SORCS3: variants seen among roughly 807,000 people sequenced by gnomAD.
The protein encoded by SORCS3 is VPS10 domain-containing receptor SorCS3.
SORCS3 carries 57 observed loss-of-function variants against 146.3 expected under a neutral mutation model. That is an observed-to-expected ratio of 0.39 (90% CI 0.31 to 0.49). SORCS3 has a LOEUF of 0.49. SORCS3 is among the 20% of genes least tolerant of loss of function. The pLI, the probability that SORCS3 is intolerant of heterozygous loss-of-function variation, is 0.92. For missense variants in SORCS3, 1,341 were observed against 1,575.5 expected (o/e 0.85, Z 2.52); for synonymous variants, 653 against 618.5 (o/e 1.06, Z -0.83).
rs1325768038 is a variant in SORCS3 at position 104,899,655 on chromosome 10, G to A, written c.696-16178G>A. 3.9e-5 allele frequency among the ~76,000 whole-genome samples: 6 copies of A among 152,286 alleles called. No individual in the cohort carries two copies. The East Asian group carries it at 1.2e-3, about 29-fold the overall frequency. On this transcript the variant is annotated intron_variant, in intron 2 of 26. Coordinates refer to ENST00000369701, the MANE Select transcript of SORCS3 (RefSeq NM_014978.3). ...TCCACAAAGTAGGTCAGGAAATGGAGGGGAAGTGAATTACTCTCCCAGACA... is the reference window on the plus strand; with the variant it reads ...TCCACAAAGTAGGTCAGGAAATGGAAGGGAAGTGAATTACTCTCCCAGACA...
chr10:105,112,358 G>C (rs564918420), intron 7 of SORCS3, among the ~76,000 whole-genome samples: 1 of 152,078 alleles, frequency 6.6e-6, no homozygotes, highest in Admixed American at 6.6e-5. Flanking sequence ...TGATTAGGAC[G>C]GGCTTTATGG....
chr10:105,227,790 A>G (rs1187789703), intron 20 of SORCS3, among the ~76,000 whole-genome samples: 1 of 152,090 alleles, frequency 6.6e-6, no homozygotes, highest in Non-Finnish European at 1.5e-5. Flanking sequence ...TTATCATTAT[A>G]TAATGATCTT....
intron 1 of SORCS3, among the ~76,000 whole-genome samples, chr10:104,662,157 T>G (rs1395124482): frequency 5.3e-5 from 8 of 152,220 alleles, no homozygotes; most frequent in African/African-American, 1.7e-4. Flanking sequence ...GTCTACTGTA[T>G]TATTGATGTT....
chr10:104,985,479 A>T (rs1158515466), intron 4 of SORCS3, among the ~76,000 whole-genome samples: 6 of 152,128 alleles, frequency 3.9e-5, no homozygotes, highest in Admixed American at 2.0e-4. Context: ...GTTGGAATCA[A>T]CTTCTTTCAA....
intron 2 of SORCS3, among the ~76,000 whole-genome samples, chr10:104,910,123 G>T (rs1466586929): frequency 6.6e-6 from 1 of 152,318 alleles, no homozygotes; most frequent in Non-Finnish European, 1.5e-5. Context: ...CGAAGTTGAA[G>T]AGGGAGGATG....
chr10:105,221,980 G>A (rs2864042), intron 19 of SORCS3, among the ~76,000 whole-genome samples: 80,982 of 150,466 alleles, frequency 0.54, 23,499 homozygotes, highest in African/African-American at 0.76. Flanking sequence ...GGGAAAAAGG[G>A]AGAAAAAATC....
chr10:104,783,539 C>T (rs1221144041), intron 1 of SORCS3, among the ~76,000 whole-genome samples: 1 of 152,074 alleles, frequency 6.6e-6, no homozygotes, highest in Non-Finnish European at 1.5e-5. Context: ...TTCAGCCTGG[C>T]CAACATGATG....
intron 1 of SORCS3, among the ~76,000 whole-genome samples, chr10:104,742,370 G>A (rs1418408871): frequency 6.6e-6 from 1 of 152,170 alleles, no homozygotes; most frequent in Non-Finnish European, 1.5e-5. Flanking sequence ...AAGCCAGCGG[G>A]GCAGCATAGA....
At chr10:104,725,385 T>C (rs568950643) in intron 1 of SORCS3, among the ~76,000 whole-genome samples, 340 of 152,330 alleles carry the variant, frequency 2.2e-3, no homozygotes, top group African/African-American at 7.8e-3. Context: ...AGTCTGCCCC[T>C]ACTGGGGGTT....
intron 6 of SORCS3, among the ~76,000 whole-genome samples, chr10:105,098,856 G>T (rs2055764581): frequency 6.6e-6 from 1 of 152,180 alleles, no homozygotes; most frequent in African/African-American, 2.4e-5. Flanking sequence ...GAATGGGATG[G>T]TAGGACTGCT....
At chr10:104,890,464 C>T (rs1338801584) in intron 2 of SORCS3, among the ~76,000 whole-genome samples, 1 of 151,966 alleles carries the variant, frequency 6.6e-6, no homozygotes, top group African/African-American at 2.4e-5. Context: ...CTTGTAATGT[C>T]TAATCTGTCA....
chr10:104,876,760 T>TCTTC (rs150534990), intron 2 of SORCS3, among the ~76,000 whole-genome samples: 76,371 of 116,424 alleles, frequency 0.66, 25,012 homozygotes, highest in East Asian at 0.81. Context: ...TCTTTCTTTC[T>TCTTC]CTTCCTTCCT....
chr10:104,719,030 AT>A (rs1223622245), intron 1 of SORCS3, among the ~76,000 whole-genome samples: 1 of 152,176 alleles, frequency 6.6e-6, no homozygotes, highest in East Asian at 1.9e-4. Context: ...TGAATGATAT[AT>A]TTTAATTTAT....
chr10:104,642,022 G>GGGGGGGGGGGGGA, intron 1 of SORCS3, 68 bp downstream of exon 1: 2 of 173,336 alleles, frequency 1.2e-5, no homozygotes, highest in South Asian at 4.4e-5. Flanking sequence ...GGGTGGGTGG[G>GGGGGGGGGGGGGA]AGCGAGGGAC....
rs78877741 is a variant in SORCS3, at chr10:105,011,801, G to C, written c.955-31254G>C. 7.5e-3 allele frequency among the ~76,000 whole-genome samples: 1,139 copies of C among 152,224 alleles called. 15 individuals are homozygous for C. Among genetic ancestry groups the C allele is most frequent in the African/African-American group, 0.026 (1,081 of 41,540 alleles). On this transcript the variant is annotated intron_variant, in intron 4 of 26. Coordinates refer to ENST00000369701, the MANE Select transcript of SORCS3 (RefSeq NM_014978.3). Reference sequence around the variant, plus strand: ...TTATTGAACACTGACTATGTCCCAAGCACTGCTCTTGGCACTTGGGTACAT... The same window carrying C: ...TTATTGAACACTGACTATGTCCCAACCACTGCTCTTGGCACTTGGGTACAT...
chr10:104,668,909 T>C lies in SORCS3; in HGVS notation c.627+26955T>C, dbSNP rs2015817276. 2.0e-5 allele frequency among the ~76,000 whole-genome samples: 3 copies of C among 152,234 alleles called. No individual in the cohort carries two copies. The South Asian group carries it at 6.2e-4, about 32-fold the overall frequency. On this transcript the variant is annotated intron_variant, in intron 1 of 26. Transcript: ENST00000369701. The stretch of plus-strand genomic sequence containing the variant: ...AAGTGCGATTCTGACATTAGGACTG[T>C]TAAAGCAAATTAAACAGGTGCAGTC...
chr10:105,245,414 G>A (rs375759041), intron 20 of SORCS3, 128 bp from the exon 21 acceptor site: 94 of 1,077,964 alleles, frequency 8.7e-5, no homozygotes, highest in Middle Eastern at 6.1e-4. Context: ...TTTAAGAAAC[G>A]GTATAACGTT....
At chr10:104,875,528 C>T (rs1175595227) in intron 2 of SORCS3, among the ~76,000 whole-genome samples, 1 of 152,132 alleles carries the variant, frequency 6.6e-6, no homozygotes, top group Non-Finnish European at 1.5e-5. Context: ...AGTCTCTGAA[C>T]TTAGTAGACT....
intron 20 of SORCS3, among the ~76,000 whole-genome samples, chr10:105,242,044 G>A (rs1287948011): frequency 1.3e-5 from 2 of 151,654 alleles, no homozygotes; most frequent in East Asian, 3.9e-4. Flanking sequence ...TGGAGGTGGG[G>A]TTTCACTGGG....
Sources: gnomAD v4.1 joint callset for allele counts (sites outside exome capture counted in the v4.1 genomes callset) on GRCh38, gnomAD v4.1.1 for gene constraint, MANE v1.5 for transcripts, NCBI Gene and HGNC (gene_info 2026-07-23, HGNC 2026-07-21) for gene names.